The following COL4A6 variants were observed in gnomAD, a reference collection of about 807,000 sequenced individuals.
The protein encoded by COL4A6 is collagen type IV alpha 6 chain.
Under a neutral mutation model 126.7 loss-of-function variants are expected in COL4A6, and 59 were observed. The observed-to-expected ratio is 0.47, with a 90% confidence interval of 0.38 to 0.58. The LOEUF (loss-of-function observed/expected upper bound fraction) is 0.58. Among genes scored for constraint, COL4A6 ranks in the 20% least tolerant of loss-of-function variants. The pLI, the probability that COL4A6 is intolerant of heterozygous loss-of-function variation, is 0.00. For missense variants in COL4A6, 1,285 were observed against 1,337.3 expected (o/e 0.96, Z 0.61); for synonymous variants, 547 against 496.6 (o/e 1.10, Z -1.35).
intron 2 of COL4A6, among the ~76,000 whole-genome samples, chrX:108,428,769 A>G (rs1007982429): frequency 8.9e-6 from 1 of 111,901 alleles, no homozygotes; most frequent in Non-Finnish European, 1.9e-5. Flanking sequence ...TAAAATTTAA[A>G]ATCCAAAAGG....
intron 2 of COL4A6, among the ~76,000 whole-genome samples, chrX:108,397,318 C>A (rs1371748896): frequency 9.0e-6 from 1 of 111,496 alleles, no homozygotes; most frequent in Non-Finnish European, 1.9e-5. Flanking sequence ...ATGATCTGTT[C>A]TTTGAGGCCT....
At chrX:108,406,827 TG>T (rs1179799916) in intron 2 of COL4A6, among the ~76,000 whole-genome samples, 1 of 111,139 alleles carries the variant, frequency 9.0e-6, no homozygotes, top group Non-Finnish European at 1.9e-5. Context: ...TCAATTAGAC[TG>T]CCATGCAATA....
chrX:108,394,372 T>C (rs1420441002), intron 2 of COL4A6, among the ~76,000 whole-genome samples: 1 of 110,130 alleles, frequency 9.1e-6, no homozygotes, highest in Admixed American at 9.7e-5. Flanking sequence ...CATGTATACC[T>C]ATGTAATAAA....
intron 2 of COL4A6, among the ~76,000 whole-genome samples, chrX:108,385,466 T>A (rs896446787): frequency 4.5e-5 from 5 of 111,672 alleles, no homozygotes; most frequent in African/African-American, 1.6e-4. Flanking sequence ...GAATCCCAGA[T>A]GGCTTCTTTG....
intron 2 of COL4A6, among the ~76,000 whole-genome samples, chrX:108,402,614 AATAAC>A (rs1324378100): frequency 9.0e-6 from 1 of 111,248 alleles, no homozygotes; most frequent in East Asian, 2.8e-4. Flanking sequence ...ATAAGAATTG[AATAAC>A]ATACATTTTT....
chrX:108,193,536 G>C, intron 17 of COL4A6, 92 bp downstream of exon 17: 5 of 767,716 alleles, frequency 6.5e-6, no homozygotes, highest in Non-Finnish European at 9.8e-6. Flanking sequence ...CAACAATCGA[G>C]TAACTAACAA....
intron 3 of COL4A6, among the ~76,000 whole-genome samples, chrX:108,294,413 TG>T (rs59394282): frequency 0.29 from 29,208 of 101,670 alleles, 3,896 homozygotes; most frequent in East Asian, 0.8. Flanking sequence ...TTTTTTTTTT[TG>T]GTGTGTGTGT....
chrX:108,243,439 T>C (rs1328527020), intron 3 of COL4A6, among the ~76,000 whole-genome samples: 1 of 110,950 alleles, frequency 9.0e-6, no homozygotes, highest in African/African-American at 3.3e-5. Flanking sequence ...AGTTCTCTCT[T>C]GCCATGTGAG....
chrX:108,359,642 T>G (rs2040039823), intron 2 of COL4A6, among the ~76,000 whole-genome samples: 1 of 112,388 alleles, frequency 8.9e-6, no homozygotes, highest in African/African-American at 3.2e-5. Flanking sequence ...GTGCCTACTT[T>G]GTGTTTCAGG....
chrX:108,430,971 A>C (rs751846636), intron 2 of COL4A6, among the ~76,000 whole-genome samples: 1 of 111,901 alleles, frequency 8.9e-6, no homozygotes, highest in Admixed American at 9.5e-5. Flanking sequence ...ACATAGATTT[A>C]GAGCTCAAAA....
intron 3 of COL4A6, among the ~76,000 whole-genome samples, chrX:108,279,059 C>T (rs1278323527): frequency 4.5e-5 from 5 of 111,761 alleles, no homozygotes; most frequent in Admixed American, 9.5e-5. Context: ...TAAAGACCAT[C>T]GAGGCTAGGA....
chrX:108,262,950 T>A (rs947488749), intron 3 of COL4A6, among the ~76,000 whole-genome samples: 2 of 111,415 alleles, frequency 1.8e-5, no homozygotes, highest in Non-Finnish European at 3.8e-5. Context: ...GTAGAAGATA[T>A]TGGAATCTAC....
chrX:108,286,713 A>C (rs2038014627), intron 3 of COL4A6, among the ~76,000 whole-genome samples: 1 of 111,224 alleles, frequency 9.0e-6, no homozygotes, highest in East Asian at 2.8e-4. Context: ...CTGGGACTAC[A>C]GGTGCACATC....
intron 2 of COL4A6, among the ~76,000 whole-genome samples, chrX:108,421,288 A>G (rs780473634): frequency 2.7e-5 from 3 of 112,351 alleles, no homozygotes; most frequent in Non-Finnish European, 3.8e-5. Context: ...GCATACAACA[A>G]TCAGGTGCTT....
chrX:108,330,059 T>C (rs2039259245), intron 2 of COL4A6, among the ~76,000 whole-genome samples: 2 of 111,204 alleles, frequency 1.8e-5, no homozygotes, highest in South Asian at 7.6e-4. Flanking sequence ...TATATATATA[T>C]ATGGGCTTGG....
At chrX:108,162,596 C>T (rs1477240418) in intron 41 of COL4A6, among the ~76,000 whole-genome samples, 1 of 110,948 alleles carries the variant, frequency 9.0e-6, no homozygotes, top group Non-Finnish European at 1.9e-5. Context: ...TCTTGTGTGG[C>T]CCTTTATTCA....
At chrX:108,371,835 T>A (rs758775149) in intron 2 of COL4A6, among the ~76,000 whole-genome samples, 11 of 81,095 alleles carry the variant, frequency 1.4e-4, no homozygotes, top group African/African-American at 5.6e-4. Context: ...CAATGTAGCA[T>A]GACAGAGGTC....
At chrX:108,182,402 T>G (rs1488141976) in intron 23 of COL4A6, among the ~76,000 whole-genome samples, 1 of 112,419 alleles carries the variant, frequency 8.9e-6, no homozygotes, top group African/African-American at 3.2e-5. Flanking sequence ...GGGCAGCACT[T>G]TCTGCCTTCC....
chrX:108,187,054 G>A, intron 23 of COL4A6, 42 bp downstream of exon 23: 2 of 1,069,383 alleles, frequency 1.9e-6, no homozygotes, highest in Non-Finnish European at 2.5e-6. Context: ...TCTACAAGGG[G>A]TCAAATTTCC....
Sources: gnomAD v4.1 joint callset for allele counts (sites outside exome capture counted in the v4.1 genomes callset) on GRCh38, gnomAD v4.1.1 for gene constraint, MANE v1.5 for transcripts, NCBI Gene and HGNC (gene_info 2026-07-23, HGNC 2026-07-21) for gene names.